CPLX1: variants seen among roughly 807,000 people sequenced by gnomAD.
The protein encoded by CPLX1 is complexin-1.
Under a neutral mutation model 15.6 loss-of-function variants are expected in CPLX1, and 6 were observed. That is an observed-to-expected ratio of 0.39 (90% CI 0.21 to 0.76). The LOEUF (loss-of-function observed/expected upper bound fraction) is 0.76, where lower values mean the gene tolerates loss of function less well. Ranked by LOEUF, CPLX1 falls within the 30% of genes least tolerant of loss-of-function variation. The pLI is 0.43. For synonymous variants in CPLX1, 91 were observed against 75.2 expected (o/e 1.21, Z -1.08); for missense variants, 242 against 188.6 (o/e 1.28, Z -1.66).
At chr4:817,383 G>A (rs1440165988) in intron 2 of CPLX1, among the ~76,000 whole-genome samples, 3 of 149,602 alleles carry the variant, frequency 2.0e-5, no homozygotes, top group South Asian at 2.1e-4. Context: ...GTGAAACCCC[G>A]TCTCTACTAA....
At chr4:824,413 G>T in intron 2 of CPLX1, 79 bp downstream of exon 2, 1 of 1,301,514 alleles carries the variant, frequency 7.7e-7, no homozygotes, top group South Asian at 1.2e-5. Flanking sequence ...CTGCTGCGGT[G>T]GGCCAGATGA....
chr4:806,717 G>GA (rs541730578), intron 2 of CPLX1, among the ~76,000 whole-genome samples: 3 of 151,978 alleles, frequency 2.0e-5, no homozygotes, highest in Admixed American at 2.0e-4. Context: ...ACAAACCTGT[G>GA]AAAAAAAGCT....
chr4:822,093 C>G (rs1047991185), intron 2 of CPLX1, among the ~76,000 whole-genome samples: 2 of 143,676 alleles, frequency 1.4e-5, no homozygotes, highest in Non-Finnish European at 3.0e-5. Context: ...GTCTCTCCCT[C>G]TGTCTCTGTC....
At position 792,589 on chromosome 4, in the gene CPLX1, C is replaced by T. The variant is rs1437315238; in HGVS notation, c.51G>A (p.Gly17=). 1.2e-6 allele frequency: 2 copies of T among 1,612,852 alleles called. No homozygotes were observed. Among genetic ancestry groups the T allele is most frequent in the South Asian group, 1.1e-5 (1 of 91,014 alleles). Residue 17 remains glycine (G), a synonymous_variant, in exon 3 of 4, where the codon GGG becomes GGA. Transcript: ENST00000304062. ...QALGGATKDM[G]KMLGGDEEKD... is the part of the protein sequence containing the mutation. Reference sequence around the variant, plus strand: ...TCTCCTCGTCACCCCCCAGCATCTTCCCCATGTCCTTGGTGGCCCCTGGTA... The same window carrying T: ...TCTCCTCGTCACCCCCCAGCATCTTTCCCATGTCCTTGGTGGCCCCTGGTA...
intron 2 of CPLX1, among the ~76,000 whole-genome samples, chr4:818,188 T>C (rs1746796129): frequency 2.0e-5 from 3 of 152,202 alleles, no homozygotes; most frequent in Admixed American, 6.5e-5. Flanking sequence ...AAGCCAAGCC[T>C]GGTTCGCCCC....
chr4:818,766 G>T (rs1421799775), intron 2 of CPLX1, among the ~76,000 whole-genome samples: 2 of 152,254 alleles, frequency 1.3e-5, no homozygotes, highest in South Asian at 2.1e-4. Context: ...CTGTCTCCAC[G>T]CATCCTCTCC....
intron 2 of CPLX1, among the ~76,000 whole-genome samples, chr4:822,148 C>T (rs886762938): frequency 3.1e-5 from 3 of 97,894 alleles, no homozygotes; most frequent in African/African-American, 1.1e-4. Context: ...GTCTCTCCCT[C>T]TGTTTCTGAT....
At chr4:821,218 G>A (rs539335851) in intron 2 of CPLX1, among the ~76,000 whole-genome samples, 41 of 152,284 alleles carry the variant, frequency 2.7e-4, no homozygotes, top group East Asian at 7.7e-4. Context: ...ACTGTCCATC[G>A]TGACTGAACC....
chr4:786,461 G>T lies in CPLX1; in HGVS notation c.*40C>A. Reference sequence around the variant, plus strand: ...GGCCTCCGCGGAGGATCTGTAGGGGGAGGGGCGGGGGCTCCGCGGGGCCGC... The same window carrying T: ...GGCCTCCGCGGAGGATCTGTAGGGGTAGGGGCGGGGGCTCCGCGGGGCCGC... On this transcript the variant is annotated 3_prime_UTR_variant, in exon 4 of 4. Transcript: ENST00000304062. The T allele has an allele frequency of 6.6e-7, 1 of 1,511,566 alleles. No homozygotes were observed. Among genetic ancestry groups the T allele is most frequent in the Non-Finnish European group, 8.9e-7 (1 of 1,124,780 alleles). 93.6% of individuals were successfully genotyped at this position (1,511,566 alleles called of 1,614,324 possible). A position where few individuals can be genotyped will look rare whatever the true frequency, so the allele number is the denominator to read the frequency against.
At chr4:812,143 C>T (rs1746675770) in intron 2 of CPLX1, among the ~76,000 whole-genome samples, 1 of 152,144 alleles carries the variant, frequency 6.6e-6, no homozygotes, top group African/African-American at 2.4e-5. Flanking sequence ...GGTGCGATCT[C>T]AGCTCACTGC....
chr4:809,658 A>G (rs1746624683), intron 2 of CPLX1, among the ~76,000 whole-genome samples: 2 of 152,196 alleles, frequency 1.3e-5, no homozygotes, highest in Non-Finnish European at 2.9e-5. Flanking sequence ...GACATACCCT[A>G]AGTCTGTTTT....
At chr4:803,608 A>T (rs1746500957) in intron 2 of CPLX1, among the ~76,000 whole-genome samples, 1 of 143,998 alleles carries the variant, frequency 6.9e-6, no homozygotes, top group African/African-American at 2.6e-5. Flanking sequence ...CGTGGTCTCG[A>T]TCTCCTGACC....
At chr4:791,969 G>A (rs1420830333) in intron 3 of CPLX1, among the ~76,000 whole-genome samples, 1 of 152,200 alleles carries the variant, frequency 6.6e-6, no homozygotes, top group Non-Finnish European at 1.5e-5. Context: ...CCGCTGAGGG[G>A]ACCGGGCTGA....
Position 794,565 on chromosome 4 carries a change from ATC to A in CPLX1, c.32-1959_32-1958del, listed in dbSNP as rs139325336. ...AACAGTCCCCAGTCATTGGACCAAA[ATC>A]TCTCTGCCTCCAGCGGGCTGTCTCT... On this transcript the variant is annotated intron_variant, in intron 2 of 3. Coordinates refer to ENST00000304062, the MANE Select transcript of CPLX1 (RefSeq NM_006651.4). 9.2e-5 allele frequency among the ~76,000 whole-genome samples: 14 copies of A among 152,178 alleles called. No individual in the cohort carries two copies. In the East Asian group the frequency reaches 2.5e-3, roughly 27 times the overall value.
At chr4:792,991 G>A (rs1746230382) in intron 2 of CPLX1, among the ~76,000 whole-genome samples, 1 of 152,222 alleles carries the variant, frequency 6.6e-6, no homozygotes, top group Admixed American at 6.5e-5. Flanking sequence ...ATCTGTATGT[G>A]GTTCTGTGTT....
At chr4:807,819 A>T (rs1746585500) in intron 2 of CPLX1, among the ~76,000 whole-genome samples, 1 of 152,178 alleles carries the variant, frequency 6.6e-6, no homozygotes, top group Admixed American at 6.5e-5. Flanking sequence ...CATAAATTTT[A>T]AATGATTTAT....
intron 2 of CPLX1, among the ~76,000 whole-genome samples, chr4:798,026 G>A (rs1746378298): frequency 6.6e-6 from 1 of 152,188 alleles, no homozygotes; most frequent in South Asian, 2.1e-4. Flanking sequence ...TGTAATTCCA[G>A]TACTTTGGGA....
At chr4:793,463 C>G (rs955406157) in intron 2 of CPLX1, among the ~76,000 whole-genome samples, 4 of 152,210 alleles carry the variant, frequency 2.6e-5, no homozygotes, top group Non-Finnish European at 5.9e-5. Context: ...CTCTGCAACT[C>G]AGCCCACAGG....
intron 2 of CPLX1, among the ~76,000 whole-genome samples, chr4:819,442 G>C (rs899005371): frequency 6.6e-6 from 1 of 152,266 alleles, no homozygotes; most frequent in Admixed American, 6.5e-5. Context: ...AGCAAAGTGA[G>C]TGAGTGCTTT....
Sources: gnomAD v4.1 joint callset for allele counts (sites outside exome capture counted in the v4.1 genomes callset) on GRCh38, gnomAD v4.1.1 for gene constraint, MANE v1.5 for transcripts, NCBI Gene and HGNC (gene_info 2026-07-23, HGNC 2026-07-21) for gene names.